Variants in GPC5 observed in about 807,000 individuals in gnomAD.
GPC5 encodes the protein glypican-5.
A neutral mutation model predicts 53.9 loss-of-function variants in GPC5; 47 were observed. The ratio of observed to expected loss-of-function variants is 0.87; its 90% confidence interval spans 0.69 to 1.11. GPC5 has a LOEUF of 1.11. Ranked by LOEUF, GPC5 falls within the 50% of genes most tolerant of loss-of-function variation. The pLI, the probability that GPC5 is intolerant of heterozygous loss-of-function variation, is 0.00. For missense variants in GPC5, 748 were observed against 713.1 expected, an observed-to-expected ratio of 1.05 and a Z score of -0.56; for synonymous variants, 286 against 263.3, an observed-to-expected ratio of 1.09 and a Z score of -0.84.
chr13:92,348,678 A>T (rs1232018432), intron 7 of GPC5, among the ~76,000 whole-genome samples: 3 of 152,148 alleles, frequency 2.0e-5, no homozygotes, highest in Admixed American at 6.5e-5. Context: ...ACCTGTTATG[A>T]CAAAAGCCTG....
intron 2 of GPC5, among the ~76,000 whole-genome samples, chr13:91,588,342 G>T (rs934647408): frequency 1.3e-5 from 2 of 152,086 alleles, no homozygotes; most frequent in South Asian, 4.1e-4. Context: ...GTTCCAAAGA[G>T]CATACCAATT....
intron 7 of GPC5, among the ~76,000 whole-genome samples, chr13:92,367,360 A>T (rs1250546981): frequency 6.6e-6 from 1 of 152,190 alleles, no homozygotes; most frequent in East Asian, 1.9e-4. Context: ...CTTCTAGAAG[A>T]TCTTAGATCA....
chr13:92,117,155 C>A (rs2041608329), intron 6 of GPC5, among the ~76,000 whole-genome samples: 1 of 152,114 alleles, frequency 6.6e-6, no homozygotes, highest in Admixed American at 6.5e-5. Flanking sequence ...TTATAGTTAT[C>A]ATTGAAGTAC....
At chr13:92,785,005 G>A (rs1052158167) in intron 7 of GPC5, among the ~76,000 whole-genome samples, 5 of 152,278 alleles carry the variant, frequency 3.3e-5, no homozygotes, top group South Asian at 4.1e-4. Context: ...GGCCAGGCAT[G>A]GTGGCTCACG....
intron 7 of GPC5, among the ~76,000 whole-genome samples, chr13:92,222,477 G>A (rs2042456802): frequency 6.6e-6 from 1 of 152,170 alleles, no homozygotes; most frequent in African/African-American, 2.4e-5. Context: ...AGAAGAAAGT[G>A]ATAATTCAAA....
Position 91,535,268 on chromosome 13 carries a change from A to C in GPC5, c.325+86346A>C, listed in dbSNP as rs192103457. 1.1e-3 allele frequency among the ~76,000 whole-genome samples: 175 copies of C among 152,278 alleles called. 1 individual carries two copies. The highest frequency in any genetic ancestry group is 4.0e-3 in the African/African-American group (165 of 41,548). On this transcript the variant is annotated intron_variant, in intron 2 of 7. Coordinates refer to ENST00000377067, the MANE Select transcript of GPC5 (RefSeq NM_004466.6). ...GGCCATTTCTGACATTCTTGATAGG[A>C]TTATCATGCCTGCATTATGTACTCT...
chr13:92,507,608 A>T (rs1412097025), intron 7 of GPC5, among the ~76,000 whole-genome samples: 2 of 152,178 alleles, frequency 1.3e-5, no homozygotes, highest in African/African-American at 4.8e-5. Flanking sequence ...TACCTATAAC[A>T]TCTCTGCTCT....
rs925822744 is a variant in GPC5 at position 92,262,786 on chromosome 13, T to C, written c.1561+117797T>C. Among the ~76,000 whole-genome samples the C allele has an allele frequency of 4.6e-5, 7 of 152,194 alleles. 1 individual carries two copies. On this transcript the variant is annotated intron_variant, in intron 7 of 7. Transcript: ENST00000377067. The stretch of plus-strand genomic sequence containing the variant: ...CTTCAAGTTAAAAGTAATGTAAATA[T>C]GCTTCTTGCAAAGTCTTGAGAAAAA...
At chr13:91,536,942 C>G (rs1181531340) in intron 2 of GPC5, among the ~76,000 whole-genome samples, 2 of 151,998 alleles carry the variant, frequency 1.3e-5, no homozygotes, top group African/African-American at 4.8e-5. Flanking sequence ...AAAGACACTA[C>G]TAAATAATGA....
chr13:92,749,573 G>A (rs1240861532), intron 7 of GPC5, among the ~76,000 whole-genome samples: 8 of 152,080 alleles, frequency 5.3e-5, no homozygotes, highest in Non-Finnish European at 8.8e-5. Flanking sequence ...GGAGGTGATT[G>A]ATTCTGACAA....
At chr13:91,706,110 A>C (rs2036098731) in intron 3 of GPC5, among the ~76,000 whole-genome samples, 1 of 151,444 alleles carries the variant, frequency 6.6e-6, no homozygotes, top group South Asian at 2.1e-4. Flanking sequence ...TGATCTCCTG[A>C]CCTCATGATC....
At chr13:92,527,197 GAA>G (rs1491157506) in intron 7 of GPC5, among the ~76,000 whole-genome samples, 235 of 20,820 alleles carry the variant, frequency 0.011, 15 homozygotes, top group Admixed American at 0.015. Flanking sequence ...AAGAAAGAAA[GAA>G]AGAAAGAAAG....
chr13:91,814,128 T>A (rs1386316546), intron 5 of GPC5, among the ~76,000 whole-genome samples: 1 of 151,914 alleles, frequency 6.6e-6, no homozygotes, highest in Non-Finnish European at 1.5e-5. Context: ...GAGACGGGGT[T>A]TCACCATCTT....
At chr13:92,825,652 T>C (rs957157075) in intron 7 of GPC5, among the ~76,000 whole-genome samples, 2 of 152,164 alleles carry the variant, frequency 1.3e-5, no homozygotes, top group African/African-American at 4.8e-5. Context: ...TGCTGTCTAC[T>C]GAGAATTTTA....
intron 7 of GPC5, among the ~76,000 whole-genome samples, chr13:92,363,314 G>A (rs762954828): frequency 3.3e-5 from 5 of 151,528 alleles, no homozygotes; most frequent in Non-Finnish European, 5.9e-5. Flanking sequence ...TAAGAATTTG[G>A]CCCTAGACCA....
intron 7 of GPC5, among the ~76,000 whole-genome samples, chr13:92,605,603 G>A (rs551903756): frequency 1.7e-4 from 20 of 121,018 alleles, no homozygotes; most frequent in Middle Eastern, 4.0e-3. Flanking sequence ...ATTTTTTTGA[G>A]ACGGAGTCTC....
At chr13:91,918,076 A>G (rs2039677173) in intron 6 of GPC5, among the ~76,000 whole-genome samples, 1 of 152,174 alleles carries the variant, frequency 6.6e-6, no homozygotes, top group African/African-American at 2.4e-5. Context: ...ACAGTTTTGC[A>G]TTGCTGGGGA....
At chr13:92,282,626 CAT>C (rs1471657739) in intron 7 of GPC5, among the ~76,000 whole-genome samples, 1 of 152,124 alleles carries the variant, frequency 6.6e-6, no homozygotes, top group Non-Finnish European at 1.5e-5. Context: ...CCCAGAATTT[CAT>C]ATCCAGCCAA....
intron 2 of GPC5, among the ~76,000 whole-genome samples, chr13:91,671,780 C>CAAAAAAAAAAAA (rs55758033): frequency 8.2e-4 from 27 of 33,126 alleles, no homozygotes; most frequent in Non-Finnish European, 1.0e-3. Context: ...CAATCTGAAG[C>CAAAAAAAAAAAA]AAAAAAAAAA....
Sources: gnomAD v4.1 joint callset for allele counts (sites outside exome capture counted in the v4.1 genomes callset) on GRCh38, gnomAD v4.1.1 for gene constraint, MANE v1.5 for transcripts, NCBI Gene and HGNC (gene_info 2026-07-23, HGNC 2026-07-21) for gene names.